STIM2: variants seen among roughly 807,000 people sequenced by gnomAD.
STIM2 encodes the protein stromal interaction molecule 2.
A neutral mutation model predicts 85.8 loss-of-function variants in STIM2; 31 were observed. That is an observed-to-expected ratio of 0.36 (90% CI 0.27 to 0.49). The LOEUF (loss-of-function observed/expected upper bound fraction) is 0.49, where lower values mean the gene tolerates loss of function less well. STIM2 is among the 20% of genes least tolerant of loss of function. STIM2 has a pLI of 0.98. For missense variants in STIM2, 841 were observed against 927.6 expected (o/e 0.91, Z 1.21); for synonymous variants, 356 against 331.1 (o/e 1.08, Z -0.82).
rs1723146999 is a variant in STIM2 at position 26,884,700 on chromosome 4, A to G, written c.151+23331A>G. ...CCTGTTTATTTAGCACCATTGGGGG[A>G]TTAAGTATCCCACATGAGTGAACAG... On this transcript the variant is annotated intron_variant, in intron 1 of 11. Transcript: ENST00000467087. Among the ~76,000 whole-genome samples the G allele has an allele frequency of 2.6e-5, 4 of 152,208 alleles. No homozygotes were observed. In the South Asian group the frequency reaches 8.3e-4, roughly 32 times the overall value.
Position 26,999,252 on chromosome 4 carries a change from C to A in STIM2, c.530C>A (p.Ser177Ter). The A allele has an allele frequency of 6.2e-7, 1 of 1,607,120 alleles. No homozygotes were observed. The highest frequency in any genetic ancestry group is 1.1e-5 in the South Asian group (1 of 90,380). ...AACAGGATAGCAGTGCACGAACCTT[C>A]ATTTATGATCTCCCAGTTGAAAATC... Residue 177 changes from serine (S) to a stop codon, truncating the protein, a stop_gained, in exon 5 of 12, where the codon TCA (serine) becomes TAA (stop). Transcript: ENST00000467087. LOFTEE classifies it high-confidence loss of function.
chr4:26,947,176 C>T (rs1468820844), intron 2 of STIM2, among the ~76,000 whole-genome samples: 1 of 152,088 alleles, frequency 6.6e-6, no homozygotes, highest in African/African-American at 2.4e-5. Flanking sequence ...CCCATGATAA[C>T]ATCAGAACTT....
At chr4:26,982,974 G>A (rs1189314147) in intron 3 of STIM2, among the ~76,000 whole-genome samples, 1 of 152,136 alleles carries the variant, frequency 6.6e-6, no homozygotes, top group African/African-American at 2.4e-5. Flanking sequence ...TGACCCCACG[G>A]GCTGCTACCT....
chr4:26,999,768 T>G (rs1016127201), intron 5 of STIM2, among the ~76,000 whole-genome samples: 1 of 152,144 alleles, frequency 6.6e-6, no homozygotes, highest in Non-Finnish European at 1.5e-5. Flanking sequence ...AAATGGATTT[T>G]TAGGTATAGA....
rs1240331328 is a variant in STIM2, at chr4:26,860,942, T to A, written c.-277T>A. The stretch of plus-strand genomic sequence containing the variant: ...CCCCCACCTTTTTTTTTTTTTTTTT[T>A]AAATAACCGGAACCAATGAACGCAG... On this transcript the variant is annotated 5_prime_UTR_variant, in exon 1 of 12. Coordinates refer to ENST00000467087, the MANE Select transcript of STIM2 (RefSeq NM_020860.4). The A allele has an allele frequency of 6.9e-5, 74 of 1,068,192 alleles. No homozygotes were observed. Among genetic ancestry groups the A allele is most frequent in the Admixed American group, 2.1e-4 (4 of 18,776 alleles). 66.2% of individuals were successfully genotyped at this position (1,068,192 alleles called of 1,614,324 possible). A position where few individuals can be genotyped will look rare whatever the true frequency, so the allele number is the denominator to read the frequency against.
chr4:27,017,767 C>T lies in STIM2; in HGVS notation c.1546C>T (p.Arg516Cys), dbSNP rs761245104. ...CAGAAGCAGCAGCCTGTGCCGTTCA[C>T]GCCGCAGCATTGTGCCGTCCTCGCC... Residue 516 changes from arginine (R) to cysteine (C), a missense_variant, in exon 11 of 12, where the codon CGC (arginine) becomes TGC (cysteine). Physicochemically the swap from Arg to Cys is radical, Grantham distance 180 (BLOSUM62 -3). Around this residue, in one of 3 missense-constraint regions of STIM2, gnomAD observed 408 missense variants for 525.4 expected, o/e 0.78. Coordinates refer to ENST00000467087, the MANE Select transcript of STIM2 (RefSeq NM_020860.4). 30 of 1,614,014 alleles carry T rather than the reference C, an allele frequency of 1.9e-5. No individual in the cohort carries two copies. Among genetic ancestry groups the T allele is most frequent in the East Asian group, 6.7e-5 (3 of 44,878 alleles).
intron 1 of STIM2, among the ~76,000 whole-genome samples, chr4:26,912,074 C>T (rs1577433391): frequency 6.6e-6 from 1 of 152,156 alleles, no homozygotes; most frequent in Non-Finnish European, 1.5e-5. Flanking sequence ...TCTGAAAATA[C>T]TCACGTTGAA....
intron 1 of STIM2, among the ~76,000 whole-genome samples, chr4:26,876,711 T>A (rs147758584): frequency 6.6e-6 from 1 of 152,164 alleles, no homozygotes; most frequent in South Asian, 2.1e-4. Context: ...AATGTCTTCA[T>A]TGGTTTAGTG....
rs758181210 is a variant in STIM2 at position 27,008,926 on chromosome 4, C to T, written c.1413C>T (p.Ser471=). ...GCTGGGTGGTGATGCCCAGAGTCTC[C>T]ATTCCACCCTATCCAATTGCTGGAG... Residue 471 remains serine (S), a synonymous_variant, in exon 10 of 12, where the codon TCC becomes TCT. Transcript: ENST00000467087. 1 of 1,614,140 alleles carries T rather than the reference C, an allele frequency of 6.2e-7. No individual in the cohort carries two copies. The highest frequency in any genetic ancestry group is 1.3e-5 in the African/African-American group (1 of 75,042).
At chr4:26,988,795 T>C (rs1727666824) in intron 3 of STIM2, among the ~76,000 whole-genome samples, 1 of 152,254 alleles carries the variant, frequency 6.6e-6, no homozygotes, top group Admixed American at 6.5e-5. Context: ...TTTTCATCGC[T>C]ATCCTGAAAG....
chr4:27,006,475 C>T (rs1264119351), intron 7 of STIM2, among the ~76,000 whole-genome samples: 4 of 152,116 alleles, frequency 2.6e-5, no homozygotes, highest in Non-Finnish European at 4.4e-5. Flanking sequence ...CAGGATGCTC[C>T]GTAGTCGCTC....
chr4:27,000,737 T>G (rs1212688406), intron 5 of STIM2, among the ~76,000 whole-genome samples: 1 of 152,178 alleles, frequency 6.6e-6, no homozygotes, highest in Non-Finnish European at 1.5e-5. Context: ...TGAGTGAATG[T>G]GCCCCATAGT....
chr4:26,987,936 C>G (rs1415450183), intron 3 of STIM2, among the ~76,000 whole-genome samples: 2 of 152,248 alleles, frequency 1.3e-5, no homozygotes, highest in Admixed American at 6.5e-5. Flanking sequence ...AGTGGACTTA[C>G]AGTCAGAAGG....
At chr4:27,006,795 G>A (rs1375001327) in intron 7 of STIM2, among the ~76,000 whole-genome samples, 2 of 152,140 alleles carry the variant, frequency 1.3e-5, no homozygotes, top group Non-Finnish European at 2.9e-5. Flanking sequence ...TTTCTCATGA[G>A]AAAAATCAAG....
chr4:26,932,780 ATAAT>A (rs1345267529), intron 2 of STIM2, among the ~76,000 whole-genome samples: 1 of 152,202 alleles, frequency 6.6e-6, no homozygotes, highest in Non-Finnish European at 1.5e-5. Flanking sequence ...CAACAGAAAA[ATAAT>A]TAAGAGCTGA....
At chr4:26,880,091 T>C (rs1722948123) in intron 1 of STIM2, among the ~76,000 whole-genome samples, 1 of 152,210 alleles carries the variant, frequency 6.6e-6, no homozygotes, top group South Asian at 2.1e-4. Flanking sequence ...ATAGAAACCT[T>C]TTATGCTGGC....
At chr4:27,012,671 A>C (rs1407327745) in intron 10 of STIM2, among the ~76,000 whole-genome samples, 1 of 152,030 alleles carries the variant, frequency 6.6e-6, no homozygotes, top group African/African-American at 2.4e-5. Context: ...TTATTGCCCA[A>C]GCTAAGACCT....
In STIM2 at chr4:26,899,322, T is replaced by G. The variant is rs1379238509; in HGVS notation, c.152-20182T>G. 2.6e-5 allele frequency among the ~76,000 whole-genome samples: 4 copies of G among 152,270 alleles called. No homozygotes were observed. The East Asian group carries it at 7.7e-4, about 29-fold the overall frequency. ...TTATTATCCTTTTTGTGGTTAAATTTAATTTACAAATATTTTTAGAGCTTT... is the reference window on the plus strand; with the variant it reads ...TTATTATCCTTTTTGTGGTTAAATTGAATTTACAAATATTTTTAGAGCTTT... On this transcript the variant is annotated intron_variant, in intron 1 of 11. Transcript: ENST00000467087.
At chr4:26,963,471 T>G (rs1726561669) in intron 3 of STIM2, among the ~76,000 whole-genome samples, 1 of 151,014 alleles carries the variant, frequency 6.6e-6, no homozygotes, top group Non-Finnish European at 1.5e-5. Context: ...GCAGATCTAA[T>G]AAGGTAGTGT....
Sources: gnomAD v4.1 joint callset for allele counts (sites outside exome capture counted in the v4.1 genomes callset) on GRCh38, gnomAD v4.1.1 for gene constraint, gnomAD v4.1.1 regional missense constraint, MANE v1.5 for transcripts, NCBI Gene and HGNC (gene_info 2026-07-23, HGNC 2026-07-21) for gene names.